The following CLCN7 variants were observed in gnomAD, a reference collection of about 807,000 sequenced individuals.
CLCN7 encodes the protein H(+)/Cl(-) exchange transporter 7.
Under a neutral mutation model 102.1 loss-of-function variants are expected in CLCN7, and 60 were observed. The ratio of observed to expected loss-of-function variants is 0.59; its 90% CI spans 0.48 to 0.73. The LOEUF is 0.73. Among genes scored for constraint, CLCN7 ranks in the 30% least tolerant of loss-of-function variants. The pLI, the probability that CLCN7 is intolerant of heterozygous loss-of-function variation, is 0.00. For synonymous variants in CLCN7, 560 were observed against 490.5 expected (o/e 1.14, Z -1.87); for missense variants, 962 against 1,125.7 (o/e 0.85, Z 2.08).
At chr16:1,473,481 C>T (rs1420510454) in intron 1 of CLCN7, among the ~76,000 whole-genome samples, 1 of 137,122 alleles carries the variant, frequency 7.3e-6, no homozygotes, top group Non-Finnish European at 1.5e-5. Context: ...TCAATTGATT[C>T]TCCTGCCTCA....
At chr16:1,451,106 A>T (rs1435196535) in intron 16 of CLCN7, among the ~76,000 whole-genome samples, 1 of 152,210 alleles carries the variant, frequency 6.6e-6, no homozygotes, top group Non-Finnish European at 1.5e-5. Context: ...ACAACTGCAG[A>T]GGTGAAAGGC....
At chr16:1,458,989 C>T in intron 7 of CLCN7, 118 bp downstream of exon 7, 1 of 793,592 alleles carries the variant, frequency 1.3e-6, no homozygotes, top group Non-Finnish European at 2.0e-6. Flanking sequence ...GCACACAGTG[C>T]CACCAGTACA....
intron 1 of CLCN7, 61 bp from the exon 2 acceptor site, chr16:1,465,399 C>T: frequency 6.8e-7 from 1 of 1,460,910 alleles, no homozygotes; most frequent in Non-Finnish European, 9.4e-7. Flanking sequence ...TCCGTGGATT[C>T]TCACTCCCGC....
At chr16:1,467,401 C>T (rs919262363) in intron 1 of CLCN7, among the ~76,000 whole-genome samples, 2 of 152,218 alleles carry the variant, frequency 1.3e-5, no homozygotes, top group African/African-American at 4.8e-5. Context: ...CTTGAGTCTC[C>T]TGCCACACGG....
In CLCN7 at chr16:1,457,724, C is replaced by A; in HGVS notation, c.708G>T (p.Leu236=). The part of the protein sequence containing the change: ...TLVIKVSGVI[L]SVVGGLAVGK... ...CCACGGCCAGGCCCCCGACCACGGA[C>A]AGGATCACACCGGACACTTTGATCA... Residue 236 remains leucine (L), a synonymous_variant, in exon 8 of 25, where the codon CTG becomes CTT. Transcript: ENST00000382745. This position sits in a 1 kb window ranked among gnomAD's most constrained non-coding sequence, Gnocchi z 5.4. The A allele has an allele frequency of 6.2e-7, 1 of 1,613,928 alleles. No homozygotes were observed. The highest frequency in any genetic ancestry group is 8.5e-7 in the Non-Finnish European group (1 of 1,180,024).
chr16:1,466,648 T>C (rs1433814655), intron 1 of CLCN7: 1 of 152,244 alleles, frequency 6.6e-6, no homozygotes, highest in Non-Finnish European at 1.5e-5. Context: ...TCCCAGAAAC[T>C]GCCTTCAGAA....
At chr16:1,447,594 G>A in intron 22 of CLCN7, 26 bp from the exon 23 acceptor site, 1 of 1,552,372 alleles carries the variant, frequency 6.4e-7, no homozygotes, top group Non-Finnish European at 8.7e-7. Flanking sequence ...CCCTGTGTCA[G>A]GCACCCAGGC....
intron 2 of CLCN7, 92 bp downstream of exon 2, chr16:1,465,175 A>G (rs1049101579): frequency 4.7e-6 from 6 of 1,290,234 alleles, no homozygotes; most frequent in Non-Finnish European, 6.7e-6. Context: ...GGGCCCCACT[A>G]TCTCCCTGCC....
chr16:1,449,569 G>C, intron 17 of CLCN7: 1 of 594,620 alleles, frequency 1.7e-6, no homozygotes. Context: ...GGAGGATGCA[G>C]AGGGCACAGT....
At chr16:1,455,621 G>GGTCCA in intron 11 of CLCN7, 110 bp downstream of exon 11, 1 of 1,165,250 alleles carries the variant, frequency 8.6e-7, no homozygotes, top group Non-Finnish European at 1.3e-6. Context: ...ACCCACAGGG[G>GGTCCA]GTCCAGCTCC....
chr16:1,453,998 A>C, intron 13 of CLCN7, 104 bp from the exon 14 acceptor site: 5 of 985,288 alleles, frequency 5.1e-6, no homozygotes, highest in South Asian at 2.6e-5. Flanking sequence ...TGCAGAGGGA[A>C]GGGGACGGCA....
chr16:1,474,555 G>A (rs1231661237), intron 1 of CLCN7, among the ~76,000 whole-genome samples: 10 of 152,214 alleles, frequency 6.6e-5, no homozygotes, highest in African/African-American at 2.4e-4. Context: ...CTGCCCCGGC[G>A]CCCCTCAGCG....
chr16:1,475,003 A>G lies in CLCN7; in HGVS notation c.-29T>C. The G allele has an allele frequency of 7.0e-7, 1 of 1,435,536 alleles. No individual in the cohort carries two copies. Among genetic ancestry groups the G allele is most frequent in the South Asian group, 1.4e-5 (1 of 72,460 alleles). 88.9% of individuals were successfully genotyped at this position (1,435,536 alleles called of 1,614,324 possible). ...CCGCCGCGGAGCGACACCGGCCGGG[A>G]AGCGCCGGCTGCCCCCGTGTTTGTT... On this transcript the variant is annotated 5_prime_UTR_variant, in exon 1 of 25. Transcript: ENST00000382745.
intron 15 of CLCN7, 83 bp downstream of exon 15, chr16:1,452,672 C>G: frequency 6.9e-7 from 1 of 1,451,732 alleles, no homozygotes; most frequent in Non-Finnish European, 9.3e-7. Context: ...GGGCAGCCCT[C>G]CTCCCGTAGC....
rs751533608 is a variant in CLCN7 at position 1,453,848 on chromosome 16, G to A, written c.1200C>T (p.Thr400=). 1 of 1,613,384 alleles carries A rather than the reference G, an allele frequency of 6.2e-7. No individual in the cohort carries two copies. Among genetic ancestry groups the A allele is most frequent in the South Asian group, 1.1e-5 (1 of 91,084 alleles). Residue 400 remains threonine (T), a synonymous_variant, in exon 14 of 25, where the codon ACC becomes ACT. Coordinates refer to ENST00000382745, the MANE Select transcript of CLCN7 (RefSeq NM_001287.6). Reference sequence around the variant, plus strand: ...TTTCTCCTCACCTGATTCGAAACATGGTCAGCCAGTAGTTCAAGGCATTGA... The same window carrying A: ...TTTCTCCTCACCTGATTCGAAACATAGTCAGCCAGTAGTTCAAGGCATTGA... The part of the protein sequence containing the change: ...AVFNALNYWL[T]MFRIRYIHRP...
rs1440669632 is a variant in CLCN7 at position 1,449,108 on chromosome 16, A to C, written c.1670-15T>G. 6.2e-7 allele frequency: 1 copy of C among 1,612,740 alleles called. No individual in the cohort carries two copies. Among genetic ancestry groups the C allele is most frequent in the South Asian group, 1.1e-5 (1 of 91,072 alleles). ...CACAATCCCGCCTGCGGGAGCCATC[A>C]TGAACCCCAGCACGTCCACCCTCCT... On this transcript the variant is annotated splice_polypyrimidine_tract_variant and intron_variant, in intron 18 of 24. Coordinates refer to ENST00000382745, the MANE Select transcript of CLCN7 (RefSeq NM_001287.6).
intron 1 of CLCN7, among the ~76,000 whole-genome samples, chr16:1,472,974 C>T (rs887663996): frequency 2.0e-5 from 3 of 150,462 alleles, no homozygotes; most frequent in African/African-American, 7.4e-5. Context: ...CACTATTTTG[C>T]CCAGGCTGGT....
chr16:1,460,657 C>A, intron 5 of CLCN7, 130 bp from the exon 6 acceptor site: 3 of 1,297,840 alleles, frequency 2.3e-6, no homozygotes, highest in Non-Finnish European at 3.3e-6. Context: ...ACTGGACATC[C>A]CAGAGACGTC....
In CLCN7 at chr16:1,447,003, C is replaced by T. The variant is rs941093606; in HGVS notation, c.2331+3G>A. 1 of 1,588,060 alleles carries T rather than the reference C, an allele frequency of 6.3e-7. No homozygotes were observed. Among genetic ancestry groups the T allele is most frequent in the Non-Finnish European group, 8.5e-7 (1 of 1,171,468 alleles). ...TGCCTGCACCCCCACCGCCCCCGCT[C>T]ACCTGATTGCGGTTGTCCACCACCA... is the stretch of plus-strand genomic sequence containing the variant. On this transcript the variant is annotated splice_donor_region_variant and intron_variant, in intron 24 of 24. Transcript: ENST00000382745.
Sources: allele counts gnomAD v4.1 joint callset (sites outside exome capture counted in the v4.1 genomes callset), GRCh38; gene constraint gnomAD v4.1.1; non-coding constraint Gnocchi (gnomAD v3.1); transcripts MANE v1.5; gene names NCBI Gene and HGNC (gene_info 2026-07-23, HGNC 2026-07-21).